Variants in CSMD3 observed in about 807,000 individuals in gnomAD.
CSMD3 encodes the protein CUB and Sushi multiple domains 3.
CSMD3 carries 177 observed loss-of-function variants against 435.2 expected under a neutral mutation model. That is an observed-to-expected ratio of 0.41 (90% confidence interval 0.36 to 0.46). CSMD3 has a LOEUF of 0.46. CSMD3 is among the 20% of genes least tolerant of loss of function. The probability of loss-of-function intolerance (pLI) is 0.34; values close to 1 mark genes in which losing one functional copy is unlikely to be tolerated. For synonymous variants in CSMD3, 1,656 were observed against 1,520.5 expected (o/e 1.09, Z -2.07); for missense variants, 4,265 against 4,504.6 (o/e 0.95, Z 1.52).
Position 113,331,935 on chromosome 8 carries a change from T to G in CSMD3, c.179-17142A>C, listed in dbSNP as rs538925819. Reference sequence around the variant, plus strand: ...TACTTGAGGTTCTAGCCAGAGAAATTAGATAAGAAAAAAATAAATAAAATG... The same window carrying G: ...TACTTGAGGTTCTAGCCAGAGAAATGAGATAAGAAAAAAATAAATAAAATG... On this transcript the variant is annotated intron_variant, in intron 1 of 70. Coordinates refer to ENST00000297405, the MANE Select transcript of CSMD3 (RefSeq NM_198123.2). Among the ~76,000 whole-genome samples, 9 of 151,588 alleles carry G rather than the reference T, an allele frequency of 5.9e-5. No individual in the cohort carries two copies. The South Asian group carries it at 1.5e-3, about 24-fold the overall frequency.
At chr8:112,950,923 C>T (rs1046197576) in intron 8 of CSMD3, among the ~76,000 whole-genome samples, 2 of 151,792 alleles carry the variant, frequency 1.3e-5, no homozygotes, top group African/African-American at 4.8e-5. Context: ...CTAATTAATC[C>T]CAGTTCTTAT....
In CSMD3 at chr8:112,751,041, A is replaced by C. The variant is rs76686245; in HGVS notation, c.1972+49121T>G. On this transcript the variant is annotated intron_variant, in intron 13 of 70. Transcript: ENST00000297405. Reference sequence around the variant, plus strand: ...GAAGTCCTTGAAACAATCCCCTAGTATACCAAGGGATGACAGTATAGTAGC... The same window carrying C: ...GAAGTCCTTGAAACAATCCCCTAGTCTACCAAGGGATGACAGTATAGTAGC... 4.6e-3 allele frequency among the ~76,000 whole-genome samples: 692 copies of C among 151,358 alleles called. 14 individuals are homozygous for C. The East Asian group carries it at 0.075, about 16-fold the overall frequency.
At chr8:113,133,129 G>C (rs973337851) in intron 4 of CSMD3, among the ~76,000 whole-genome samples, 2 of 151,852 alleles carry the variant, frequency 1.3e-5, no homozygotes, top group Admixed American at 6.6e-5. Flanking sequence ...AGAGTAAAAG[G>C]CAATCTGAAA....
chr8:112,524,979 T>G (rs1164873878), intron 27 of CSMD3, among the ~76,000 whole-genome samples: 4 of 151,910 alleles, frequency 2.6e-5, no homozygotes, highest in Non-Finnish European at 5.9e-5. Context: ...TTTTTATTAG[T>G]ATTGCCAGAA....
intron 50 of CSMD3, among the ~76,000 whole-genome samples, chr8:112,307,648 C>A (rs753047121): frequency 6.6e-6 from 1 of 151,916 alleles, no homozygotes; most frequent in African/African-American, 2.4e-5. Flanking sequence ...TAAGGACTAA[C>A]GTATTTGAAT....
At chr8:113,407,999 A>C (rs1455063610) in intron 1 of CSMD3, among the ~76,000 whole-genome samples, 1 of 152,198 alleles carries the variant, frequency 6.6e-6, no homozygotes, top group Admixed American at 6.5e-5. Flanking sequence ...GTTTTTAAAC[A>C]ATCAACCAGA....
chr8:113,314,633 T>C lies in CSMD3; in HGVS notation c.339A>G (p.Glu113=). ...IQIVFQSFAL[E]EEYDYLSLYD... The stretch of plus-strand genomic sequence containing the variant: ...ATAATGATAAGTAGTCGTATTCTTC[T>C]TCTAGAGCAAATGACTGAAAAACAA... The change falls in exon 2 of 71, where the codon GAA becomes GAG. Residue 113 remains glutamate (E), a synonymous_variant. Coordinates refer to ENST00000297405, the MANE Select transcript of CSMD3 (RefSeq NM_198123.2). The C allele has an allele frequency of 6.2e-7, 1 of 1,611,258 alleles. No homozygotes were observed. Among genetic ancestry groups the C allele is most frequent in the South Asian group, 1.1e-5 (1 of 91,008 alleles).
At chr8:112,699,566 C>T (rs2076341150) in intron 13 of CSMD3, among the ~76,000 whole-genome samples, 1 of 152,186 alleles carries the variant, frequency 6.6e-6, no homozygotes, top group Non-Finnish European at 1.5e-5. Flanking sequence ...CTGTGAAACA[C>T]ATATAAATCA....
chr8:112,402,245 A>C (rs1351061360), intron 35 of CSMD3, among the ~76,000 whole-genome samples: 1 of 152,194 alleles, frequency 6.6e-6, no homozygotes, highest in Non-Finnish European at 1.5e-5. Flanking sequence ...AGTCATGCGG[A>C]CAAAGCGAAG....
rs145163829 is a variant in CSMD3, at chr8:113,016,537, C to T, written c.1030+2530G>A. Among the ~76,000 whole-genome samples the T allele has an allele frequency of 5.9e-5, 9 of 151,652 alleles. No individual in the cohort carries two copies. In the East Asian group the frequency reaches 1.4e-3, roughly 23 times the overall value. On this transcript the variant is annotated intron_variant, in intron 6 of 70. Coordinates refer to ENST00000297405, the MANE Select transcript of CSMD3 (RefSeq NM_198123.2). ...ATAAAGGATAGAGATTAAATAGAAA[C>T]GTTATGAGTAAAATATTCAGTCTTT...
intron 13 of CSMD3, among the ~76,000 whole-genome samples, chr8:112,731,400 G>A (rs2077071932): frequency 6.6e-6 from 1 of 152,054 alleles, no homozygotes; most frequent in African/African-American, 2.4e-5. Context: ...TTAAAATCTT[G>A]GTTTCCTACA....
intron 58 of CSMD3, among the ~76,000 whole-genome samples, chr8:112,283,334 T>A (rs941148083): frequency 5.9e-5 from 9 of 151,858 alleles, no homozygotes; most frequent in Non-Finnish European, 1.3e-4. Flanking sequence ...GAGAGAACTC[T>A]TATTTTAAAA....
At chr8:113,218,120 T>TA (rs1338132702) in intron 3 of CSMD3, among the ~76,000 whole-genome samples, 3 of 139,494 alleles carry the variant, frequency 2.2e-5, no homozygotes, top group South Asian at 2.2e-4. Flanking sequence ...ATATATATAT[T>TA]TTAATATTGG....
intron 24 of CSMD3, among the ~76,000 whole-genome samples, chr8:112,568,974 C>T (rs1200347030): frequency 6.6e-6 from 1 of 152,132 alleles, no homozygotes; most frequent in Non-Finnish European, 1.5e-5. Context: ...AGCAGTGAAT[C>T]ATGATGGTCT....
rs1051144422 is a variant in CSMD3, at chr8:112,302,187, CAG to C, written c.8267-223_8267-222del. Reference sequence around the variant, plus strand: ...AGTCCCCATAGAACCTTCTAAGTAACAGAGACATAAAGTTCTTTTTTTTTCAT... The same window carrying C: ...AGTCCCCATAGAACCTTCTAAGTAACAGACATAAAGTTCTTTTTTTTTCAT... On this transcript the variant is annotated intron_variant, in intron 52 of 70. Transcript: ENST00000297405. 4.7e-5 allele frequency among the ~76,000 whole-genome samples: 7 copies of C among 149,296 alleles called. No individual in the cohort carries two copies. In the Admixed American group the frequency reaches 4.7e-4, roughly 10 times the overall value.
At chr8:113,193,347 A>T (rs1425389234) in intron 3 of CSMD3, among the ~76,000 whole-genome samples, 1 of 151,322 alleles carries the variant, frequency 6.6e-6, no homozygotes, top group Admixed American at 6.6e-5. Context: ...TGAATTTTCA[A>T]GCAATCTTCC....
At chr8:112,303,997 A>G (rs1821173548) in intron 52 of CSMD3, among the ~76,000 whole-genome samples, 1 of 152,160 alleles carries the variant, frequency 6.6e-6, no homozygotes, top group Admixed American at 6.6e-5. Context: ...TAAGAAAGGG[A>G]GTTCAAGATA....
intron 51 of CSMD3, 35 bp downstream of exon 51, chr8:112,305,972 A>G: frequency 6.4e-7 from 1 of 1,569,030 alleles, no homozygotes; most frequent in Non-Finnish European, 8.8e-7. Context: ...ATACCAAGAG[A>G]AAAACAAGTG....
chr8:113,356,196 C>G (rs1308216406), intron 1 of CSMD3, among the ~76,000 whole-genome samples: 2 of 151,950 alleles, frequency 1.3e-5, no homozygotes, highest in African/African-American at 4.8e-5. Flanking sequence ...CTTTCTCCAC[C>G]AAAATTTGAG....
Sources: gnomAD v4.1 joint callset for allele counts (sites outside exome capture counted in the v4.1 genomes callset) on GRCh38, gnomAD v4.1.1 for gene constraint, MANE v1.5 for transcripts, NCBI Gene and HGNC (gene_info 2026-07-23, HGNC 2026-07-21) for gene names.